The following ZMYND12 variants were observed in gnomAD, a reference collection of about 807,000 sequenced individuals.
ZMYND12 encodes the protein zinc finger MYND-type containing 12.
ZMYND12 carries 32 observed loss-of-function variants against 41.7 expected under a neutral mutation model. That is an observed-to-expected ratio of 0.77 (90% CI 0.58 to 1.03). The LOEUF (loss-of-function observed/expected upper bound fraction) is 1.03. Among genes scored for constraint, ZMYND12 ranks in the 50% least tolerant of loss-of-function variants. The pLI is 0.00. For synonymous variants in ZMYND12, 148 were observed against 164.8 expected (o/e 0.90, Z 0.78); for missense variants, 424 against 438.5 (o/e 0.97, Z 0.30).
chr1:42,430,936 C>A, intron 7 of ZMYND12, 78 bp from the exon 8 acceptor site: 1 of 1,577,996 alleles, frequency 6.3e-7, no homozygotes, highest in Non-Finnish European at 8.6e-7. Flanking sequence ...GTGCTCAACT[C>A]CAGAAACATG....
chr1:42,432,328 C>T (rs1642862370), intron 7 of ZMYND12, among the ~76,000 whole-genome samples: 1 of 152,138 alleles, frequency 6.6e-6, no homozygotes, highest in African/African-American at 2.4e-5. Flanking sequence ...TCCCAAAGTA[C>T]TGGGAATACA....
At chr1:42,447,178 T>C (rs1223946643) in intron 3 of ZMYND12, among the ~76,000 whole-genome samples, 2 of 152,130 alleles carry the variant, frequency 1.3e-5, no homozygotes, top group Admixed American at 6.5e-5. Flanking sequence ...GCAGACGCCA[T>C]CCTAATAAAG....
chr1:42,432,106 G>C (rs1488535203), intron 7 of ZMYND12, among the ~76,000 whole-genome samples: 1 of 143,948 alleles, frequency 6.9e-6, no homozygotes, highest in Non-Finnish European at 1.5e-5. Context: ...ACCCAGGCTA[G>C]AGTGCAGAGG....
At chr1:42,449,024 A>T (rs1445977254) in intron 2 of ZMYND12, among the ~76,000 whole-genome samples, 2 of 152,220 alleles carry the variant, frequency 1.3e-5, no homozygotes, top group Non-Finnish European at 2.9e-5. Flanking sequence ...TGAGAGAAAC[A>T]TCTCATTTTC....
At chr1:42,436,288 T>C (rs1429974438) in intron 5 of ZMYND12, 133 bp downstream of exon 5, 2 of 1,298,168 alleles carry the variant, frequency 1.5e-6, no homozygotes, top group African/African-American at 2.9e-5. Context: ...GGCTATATAG[T>C]CTTGGGCAAG....
intron 3 of ZMYND12, among the ~76,000 whole-genome samples, chr1:42,441,324 AAT>A (rs1035710681): frequency 3.9e-5 from 6 of 152,294 alleles, no homozygotes; most frequent in African/African-American, 1.4e-4. Context: ...AATATGAAAT[AAT>A]ATGTTATGTT....
At chr1:42,431,029 C>T (rs1406776297) in intron 7 of ZMYND12, among the ~76,000 whole-genome samples, 171 bp from the exon 8 acceptor site, 2 of 152,184 alleles carry the variant, frequency 1.3e-5, no homozygotes, top group Admixed American at 6.5e-5. Context: ...TACAGCTAGC[C>T]ACATGTGCGC....
intron 4 of ZMYND12, among the ~76,000 whole-genome samples, chr1:42,438,030 C>T (rs1642926708): frequency 6.6e-6 from 1 of 151,066 alleles, no homozygotes; most frequent in Non-Finnish European, 1.5e-5. Context: ...AGGCTGGTCT[C>T]GAACTCCTGA....
Position 42,439,838 on chromosome 1 carries a change from AT to A in ZMYND12, c.594+17del. The A allele has an allele frequency of 1.3e-6, 2 of 1,592,680 alleles. No individual in the cohort carries two copies. The highest frequency in any genetic ancestry group is 1.7e-6 in the Non-Finnish European group (2 of 1,171,948). ...TAGATTTTGGAAATATACAGGTGTT[AT>A]AACTTAGCTTGTTTACATCATTGGC... On this transcript the variant is annotated intron_variant, in intron 4 of 7. Coordinates refer to ENST00000372565, the MANE Select transcript of ZMYND12 (RefSeq NM_032257.5).
intron 3 of ZMYND12, among the ~76,000 whole-genome samples, chr1:42,442,302 G>A (rs967713345): frequency 4.6e-5 from 7 of 152,094 alleles, no homozygotes; most frequent in Admixed American, 3.3e-4. Flanking sequence ...GAAATAGTTC[G>A]GACAAGCACG....
chr1:42,453,174 C>T (rs1643100810), intron 1 of ZMYND12, among the ~76,000 whole-genome samples: 2 of 151,768 alleles, frequency 1.3e-5, no homozygotes, highest in Admixed American at 6.6e-5. Context: ...ATCTGCAAGA[C>T]CCAAAGACAT....
chr1:42,446,851 C>A (rs1390401251), intron 3 of ZMYND12, among the ~76,000 whole-genome samples: 1 of 151,988 alleles, frequency 6.6e-6, no homozygotes, highest in Admixed American at 6.6e-5. Flanking sequence ...GATCAGGGCT[C>A]TTTAGAGGTA....
At chr1:42,442,254 G>C (rs943330504) in intron 3 of ZMYND12, among the ~76,000 whole-genome samples, 1 of 152,148 alleles carries the variant, frequency 6.6e-6, no homozygotes, top group Non-Finnish European at 1.5e-5. Flanking sequence ...GGGACCAGAG[G>C]GGAGGAATAA....
chr1:42,441,083 GAA>G lies in ZMYND12; in HGVS notation c.425-1060_425-1059del. On this transcript the variant is annotated intron_variant, in intron 3 of 7. Coordinates refer to ENST00000372565, the MANE Select transcript of ZMYND12 (RefSeq NM_032257.5). The stretch of plus-strand genomic sequence containing the variant: ...GCCAGGCCTTGTGTTGGGTGATGGG[GAA>G]TCAAAGTGCAACATGAAAACAAATA... Among the ~76,000 whole-genome samples the G allele has an allele frequency of 2.6e-5, 4 of 152,244 alleles. No homozygotes were observed. In the South Asian group the frequency reaches 8.3e-4, roughly 32 times the overall value.
At chr1:42,432,665 T>C (rs1297467378) in intron 7 of ZMYND12, among the ~76,000 whole-genome samples, 2 of 152,220 alleles carry the variant, frequency 1.3e-5, no homozygotes, top group African/African-American at 4.8e-5. Flanking sequence ...GATAATAAAA[T>C]AGCTACCTCA....
intron 1 of ZMYND12, among the ~76,000 whole-genome samples, chr1:42,450,780 A>G (rs1347777524): frequency 6.6e-6 from 1 of 152,086 alleles, no homozygotes; most frequent in Non-Finnish European, 1.5e-5. Context: ...AAGTTTTAGT[A>G]TGTTGTTTTT....
chr1:42,433,260 G>A lies in ZMYND12; in HGVS notation c.858C>T (p.Arg286=). ...LDEAQEAEAI[R]ILTSILNIRE... The stretch of plus-strand genomic sequence containing the variant: ...GAATGTTCAAGATTGAAGTCAGGAT[G>A]CGAATGGCTTCTGCTTCTTGGGCTT... Residue 286 remains arginine (R), a synonymous_variant, in exon 7 of 8, where the codon CGC becomes CGT. Coordinates refer to ENST00000372565, the MANE Select transcript of ZMYND12 (RefSeq NM_032257.5). The A allele has an allele frequency of 1.2e-6, 2 of 1,608,782 alleles. No individual in the cohort carries two copies. The highest frequency in any genetic ancestry group is 2.7e-5 in the African/African-American group (2 of 74,546).
chr1:42,449,937 T>C lies in ZMYND12; in HGVS notation c.233A>G (p.Gln78Arg). ...NSEEERQHGLQQLQQRQKYLI... is the reference protein window; with the variant it reads ...NSEEERQHGLRQLQQRQKYLI... The stretch of plus-strand genomic sequence containing the variant: ...CCCTACCTGCCGCTGCTGCAGCTGC[T>C]GCAGGCCATGCTGCCGTTCTTCCTC... The change falls in exon 2 of 8, where the codon CAG becomes CGG. Residue 78 changes from glutamine (Q) to arginine (R), a missense_variant. Transcript: ENST00000372565. 6.2e-7 allele frequency: 1 copy of C among 1,612,610 alleles called. No individual in the cohort carries two copies. The highest frequency in any genetic ancestry group is 1.1e-5 in the South Asian group (1 of 91,084).
chr1:42,448,869 G>A (rs867754689), intron 2 of ZMYND12, among the ~76,000 whole-genome samples: 4 of 152,166 alleles, frequency 2.6e-5, no homozygotes, highest in African/African-American at 7.2e-5. Flanking sequence ...TTAGTTCAGC[G>A]CTTGGCATAG....
Sources: allele counts gnomAD v4.1 joint callset (sites outside exome capture counted in the v4.1 genomes callset), GRCh38; gene constraint gnomAD v4.1.1; transcripts MANE v1.5; gene names NCBI Gene and HGNC (gene_info 2026-07-23, HGNC 2026-07-21).